The following LIN54 variants were observed in gnomAD, a reference collection of about 807,000 sequenced individuals.
LIN54 encodes the protein lin-54 DREAM MuvB core complex component.
In LIN54, 9 loss-of-function variants were observed where a neutral mutation model predicts 78.7. That is an observed-to-expected ratio of 0.11 (90% CI 0.07 to 0.20). The LOEUF (loss-of-function observed/expected upper bound fraction) is 0.20. LIN54 is among the 10% of genes least tolerant of loss of function. The pLI, the probability that LIN54 is intolerant of heterozygous loss-of-function variation, is 1.00. For missense variants in LIN54, 573 were observed against 889.9 expected (o/e 0.64, Z 4.53); for synonymous variants, 269 against 318.4 (o/e 0.84, Z 1.65).
chr4:82,927,804 C>A lies in LIN54; in HGVS notation c.*298G>T, dbSNP rs2126023603. On this transcript the variant is annotated 3_prime_UTR_variant, in exon 13 of 13. Coordinates refer to ENST00000340417, the MANE Select transcript of LIN54 (RefSeq NM_194282.4). ...ATTATAAATTATATGAATTTATAAACATTTTTTGTCAAAGGTATCAGAAAG... is the reference window on the plus strand; with the variant it reads ...ATTATAAATTATATGAATTTATAAAAATTTTTTGTCAAAGGTATCAGAAAG... 3.7e-6 allele frequency: 1 copy of A among 273,202 alleles called. No homozygotes were observed. The highest frequency in any genetic ancestry group is 6.6e-6 in the Non-Finnish European group (1 of 150,962). The allele number at this position is 273,202 out of a possible 1,614,324, so 16.9% of individuals were successfully genotyped here.
At chr4:82,951,367 A>G (rs574926214) in intron 4 of LIN54, among the ~76,000 whole-genome samples, 1 of 152,298 alleles carries the variant, frequency 6.6e-6, no homozygotes, top group African/African-American at 2.4e-5. Flanking sequence ...TATGAGTTAT[A>G]GCGACATGGA....
intron 4 of LIN54, among the ~76,000 whole-genome samples, chr4:82,961,711 G>A (rs1578552806): frequency 1.3e-5 from 2 of 152,268 alleles, no homozygotes; most frequent in African/African-American, 4.8e-5. Context: ...TCCCAGCACT[G>A]ACAGGCTGAA....
At chr4:83,006,047 C>T (rs557358953) in intron 1 of LIN54, among the ~76,000 whole-genome samples, 35 of 152,066 alleles carry the variant, frequency 2.3e-4, no homozygotes, top group Admixed American at 6.6e-4. Flanking sequence ...AACTAAATAC[C>T]GCATATTCTC....
intron 4 of LIN54, among the ~76,000 whole-genome samples, chr4:82,949,845 C>CTTTTTT (rs370091580): frequency 1.6e-5 from 2 of 126,462 alleles, no homozygotes; most frequent in Admixed American, 9.0e-5. Context: ...TTTATTTTTG[C>CTTTTTT]TTTTTTTTTT....
At chr4:82,932,982 T>C (rs1213614658) in intron 11 of LIN54, among the ~76,000 whole-genome samples, 1 of 152,102 alleles carries the variant, frequency 6.6e-6, no homozygotes, top group African/African-American at 2.4e-5. Flanking sequence ...TAAATAAAAC[T>C]GTCCTTTCTC....
At chr4:83,010,832 C>G (rs1170057129), upstream of LIN54, 10 of 1,231,574 alleles carry the variant, frequency 8.1e-6, no homozygotes, top group African/African-American at 1.6e-5. Context: ...GTAACCTCCC[C>G]CTTCCTCCTC....
chr4:82,998,531 G>T lies in LIN54; in HGVS notation c.-33+11953C>A, dbSNP rs190139664. Among the ~76,000 whole-genome samples, 47 of 116,250 alleles carry T rather than the reference G, an allele frequency of 4.0e-4. No individual in the cohort carries two copies. The East Asian group carries it at 0.011, about 27-fold the overall frequency. 76.3% of individuals were successfully genotyped at this position (116,250 alleles called of 152,430 possible). On this transcript the variant is annotated intron_variant, in intron 1 of 12. Transcript: ENST00000340417. Reference sequence around the variant, plus strand: ...AACTCGGGCGACGGTGCGAGACTCCGTCAGAGAAAGAAAAGAAAGAAAGGA... The same window carrying T: ...AACTCGGGCGACGGTGCGAGACTCCTTCAGAGAAAGAAAAGAAAGAAAGGA...
intron 2 of LIN54, among the ~76,000 whole-genome samples, chr4:82,980,881 G>C (rs1413718987): frequency 6.6e-6 from 1 of 151,964 alleles, no homozygotes; most frequent in African/African-American, 2.4e-5. Flanking sequence ...ACAATCATGA[G>C]TATATGAATA....
In LIN54 at chr4:82,926,739, T is replaced by A. The variant is rs1390034025; in HGVS notation, c.*1363A>T. The A allele has an allele frequency of 3.9e-5, 6 of 152,188 alleles. No individual in the cohort carries two copies. The highest frequency in any genetic ancestry group is 8.8e-5 in the Non-Finnish European group (6 of 68,024). 9.4% of individuals were successfully genotyped at this position (152,188 alleles called of 1,614,324 possible). A position where few individuals can be genotyped will look rare whatever the true frequency, so the allele number is the denominator to read the frequency against. ...ATCACTGGCTGAAAATAATGCCATA[T>A]TAAACTTCCCTTATAAAAAGAAATC... On this transcript the variant is annotated 3_prime_UTR_variant, in exon 13 of 13. Coordinates refer to ENST00000340417, the MANE Select transcript of LIN54 (RefSeq NM_194282.4).
chr4:82,939,491 A>T, intron 7 of LIN54, 48 bp downstream of exon 7: 1 of 1,457,076 alleles, frequency 6.9e-7, no homozygotes, highest in Non-Finnish European at 9.6e-7. Flanking sequence ...GACATCTTGG[A>T]CCCCATTATC....
intron 11 of LIN54, among the ~76,000 whole-genome samples, chr4:82,931,966 G>A (rs1578480351): frequency 6.6e-6 from 1 of 151,338 alleles, no homozygotes; most frequent in African/African-American, 2.4e-5. Context: ...GTTTATTTTT[G>A]TTTCCAGTTC....
intron 3 of LIN54, among the ~76,000 whole-genome samples, chr4:82,972,076 C>G (rs546207797): frequency 1.3e-5 from 2 of 152,112 alleles, no homozygotes; most frequent in African/African-American, 4.8e-5. Flanking sequence ...TGTTTTGAGA[C>G]AGGGGTCTCC....
intron 11 of LIN54, among the ~76,000 whole-genome samples, chr4:82,932,560 T>G (rs1722052160): frequency 6.7e-6 from 1 of 150,080 alleles, no homozygotes; most frequent in African/African-American, 2.4e-5. Context: ...GGCTCACGCC[T>G]GAAATCCCAG....
chr4:83,008,446 G>A (rs374957982), intron 1 of LIN54, among the ~76,000 whole-genome samples: 66 of 152,196 alleles, frequency 4.3e-4, no homozygotes, highest in African/African-American at 1.1e-3. Flanking sequence ...GTCAGGAGAT[G>A]GAGACCTTCC....
At chr4:83,000,931 C>T (rs971742410) in intron 1 of LIN54, among the ~76,000 whole-genome samples, 2 of 149,864 alleles carry the variant, frequency 1.3e-5, no homozygotes, top group African/African-American at 2.5e-5. Flanking sequence ...AATTCTCCTG[C>T]CTCAGCCTCC....
intron 4 of LIN54, among the ~76,000 whole-genome samples, chr4:82,948,959 A>AGTGCTATAATAAACATG (rs1447768515): frequency 6.6e-6 from 1 of 152,178 alleles, no homozygotes; most frequent in Non-Finnish European, 1.5e-5. Context: ...TATTGTGAAT[A>AGTGCTATAATAAACATG]GTGCTATAAT....
chr4:82,965,271 G>A (rs1725112153), intron 4 of LIN54, among the ~76,000 whole-genome samples: 1 of 151,924 alleles, frequency 6.6e-6, no homozygotes, highest in African/African-American at 2.4e-5. Context: ...AGAAAACCGA[G>A]GATTACTTTA....
chr4:83,001,735 C>G (rs1401269249), intron 1 of LIN54, among the ~76,000 whole-genome samples: 1 of 148,348 alleles, frequency 6.7e-6, no homozygotes, highest in East Asian at 2.0e-4. Flanking sequence ...GTTGTCCCAG[C>G]TACCAGGGAG....
At chr4:82,969,012 G>A (rs1280867948) in intron 4 of LIN54, among the ~76,000 whole-genome samples, 1 of 152,078 alleles carries the variant, frequency 6.6e-6, no homozygotes, top group Non-Finnish European at 1.5e-5. Flanking sequence ...AGATAAGGGC[G>A]AGAATCACTG....
Sources: allele counts gnomAD v4.1 joint callset (sites outside exome capture counted in the v4.1 genomes callset), GRCh38; gene constraint gnomAD v4.1.1; transcripts MANE v1.5; gene names NCBI Gene and HGNC (gene_info 2026-07-23, HGNC 2026-07-21).